The following CTNNA2 variants were observed in gnomAD, a reference collection of about 807,000 sequenced individuals.
The protein encoded by CTNNA2 is catenin alpha 2.
Under a neutral mutation model 101.0 loss-of-function variants are expected in CTNNA2, and 42 were observed. The observed-to-expected ratio is 0.42, with a 90% confidence interval of 0.32 to 0.54. The LOEUF is 0.54. Ranked by LOEUF, CTNNA2 falls within the 20% of genes least tolerant of loss-of-function variation. The pLI, the probability that CTNNA2 is intolerant of heterozygous loss-of-function variation, is 0.14. For synonymous variants in CTNNA2, 450 were observed against 456.4 expected (o/e 0.99, Z 0.18); for missense variants, 871 against 1,223.1 (o/e 0.71, Z 4.29).
At chr2:79,879,214 T>A (rs566862887) in intron 6 of CTNNA2, among the ~76,000 whole-genome samples, 65 of 152,338 alleles carry the variant, frequency 4.3e-4, no homozygotes, top group Non-Finnish European at 8.2e-4. Flanking sequence ...TTTTGGTTAC[T>A]GTAGCCTTGT....
intron 2 of CTNNA2, among the ~76,000 whole-genome samples, chr2:79,721,313 C>T (rs1035589421): frequency 4.6e-5 from 7 of 152,134 alleles, no homozygotes; most frequent in African/African-American, 1.4e-4. Context: ...TGAGGGCCTT[C>T]TTGCTGTGTC....
chr2:80,056,593 T>C (rs115280695), intron 7 of CTNNA2, among the ~76,000 whole-genome samples: 1,943 of 152,342 alleles, frequency 0.013, 23 homozygotes, highest in African/African-American at 0.043. Context: ...CCATAAACCA[T>C]ATATACTGTC....
At chr2:79,199,047 A>T (rs1224427873) in intron 2 of CTNNA2, among the ~76,000 whole-genome samples, 1 of 152,224 alleles carries the variant, frequency 6.6e-6, no homozygotes, top group Non-Finnish European at 1.5e-5. Context: ...CAGAATTCAC[A>T]TGCCTGTCTA....
intron 3 of CTNNA2, among the ~76,000 whole-genome samples, chr2:79,855,045 A>G (rs1305764190): frequency 6.6e-6 from 1 of 152,196 alleles, no homozygotes; most frequent in Non-Finnish European, 1.5e-5. Flanking sequence ...CCTTATCAAC[A>G]TGAAATCACT....
intron 17 of CTNNA2, among the ~76,000 whole-genome samples, chr2:80,615,315 C>G (rs966675146): frequency 6.6e-6 from 1 of 151,446 alleles, no homozygotes; most frequent in Non-Finnish European, 1.5e-5. Context: ...GGCAAACAAT[C>G]AGAGATTCAA....
intron 7 of CTNNA2, among the ~76,000 whole-genome samples, chr2:80,039,876 ATTGT>A (rs1005106285): frequency 2.6e-5 from 4 of 152,318 alleles, no homozygotes; most frequent in African/African-American, 7.2e-5. Context: ...AAGGTGAATA[ATTGT>A]TTGGTAATTT....
chr2:80,602,647 C>T (rs11891725), intron 15 of CTNNA2, among the ~76,000 whole-genome samples: 3,801 of 152,020 alleles, frequency 0.025, 132 homozygotes, highest in African/African-American at 0.082. Context: ...ATTTATTTTG[C>T]GCTAATAAAA....
chr2:79,441,022 C>T lies in CTNNA2; in HGVS notation c.-134-64032C>T, dbSNP rs553083577. ...GTTGTGGCAAGGAGTAGTTCAGTGCCGAGCAATGTTCTTCTTAGAATCATC... is the reference window on the plus strand; with the variant it reads ...GTTGTGGCAAGGAGTAGTTCAGTGCTGAGCAATGTTCTTCTTAGAATCATC... On this transcript the variant is annotated intron_variant, in intron 4 of 21. Transcript: ENST00000466387. Among the ~76,000 whole-genome samples the T allele has an allele frequency of 3.9e-5, 6 of 152,206 alleles. No individual in the cohort carries two copies. The East Asian group carries it at 7.7e-4, about 20-fold the overall frequency.
At chr2:79,301,001 T>A (rs550875107) in intron 2 of CTNNA2, among the ~76,000 whole-genome samples, 2 of 152,332 alleles carry the variant, frequency 1.3e-5, no homozygotes, top group South Asian at 4.1e-4. Flanking sequence ...CCTCTTTGAC[T>A]GCTTTGCTCT....
At chr2:79,427,668 G>C (rs531125180) in intron 4 of CTNNA2, among the ~76,000 whole-genome samples, 2 of 150,754 alleles carry the variant, frequency 1.3e-5, no homozygotes, top group East Asian at 3.9e-4. Context: ...TGACTTCAGG[G>C]AATTGAGTCT....
intron 9 of CTNNA2, among the ~76,000 whole-genome samples, chr2:80,533,379 G>A (rs369561456): frequency 2.0e-5 from 3 of 152,142 alleles, no homozygotes; most frequent in African/African-American, 4.8e-5. Flanking sequence ...ACTCCTGACT[G>A]TTTTCCTTAT....
At chr2:80,336,878 C>T (rs562673336) in intron 7 of CTNNA2, among the ~76,000 whole-genome samples, 1 of 152,252 alleles carries the variant, frequency 6.6e-6, no homozygotes, top group Non-Finnish European at 1.5e-5. Flanking sequence ...GAAATGCACT[C>T]ATGTGGGAAA....
chr2:80,186,586 T>C (rs749253748), intron 7 of CTNNA2, among the ~76,000 whole-genome samples: 14 of 152,220 alleles, frequency 9.2e-5, no homozygotes, highest in African/African-American at 3.4e-4. Flanking sequence ...TTTGTTTGTA[T>C]TTTAGCCTGA....
At chr2:79,966,465 G>T (rs939504698) in intron 7 of CTNNA2, among the ~76,000 whole-genome samples, 1 of 152,028 alleles carries the variant, frequency 6.6e-6, no homozygotes, top group Non-Finnish European at 1.5e-5. Context: ...CAAATGCTTG[G>T]GCTCCATTGA....
intron 3 of CTNNA2, among the ~76,000 whole-genome samples, chr2:79,318,220 A>G (rs1403357916): frequency 1.3e-5 from 2 of 152,114 alleles, no homozygotes; most frequent in African/African-American, 4.8e-5. Flanking sequence ...ATATACCCAC[A>G]TGTATTGTCA....
rs149091844 is a variant in CTNNA2, at chr2:80,140,722, G to T, written c.1056+230925G>T. On this transcript the variant is annotated intron_variant, in intron 7 of 18. Transcript: ENST00000402739. The stretch of plus-strand genomic sequence containing the variant: ...ACACATCCACCTCCCTTTTAACAGG[G>T]ATTGACCCAAGCAAAAGAAAATCCT... Among the ~76,000 whole-genome samples, 523 of 152,228 alleles carry T rather than the reference G, an allele frequency of 3.4e-3. 2 individuals are homozygous for T. The highest frequency in any genetic ancestry group is 0.011 in the African/African-American group (472 of 41,536).
intron 3 of CTNNA2, among the ~76,000 whole-genome samples, chr2:79,810,768 ACATGCAGTGTTTGGTTT>A (rs1676959326): frequency 1.3e-5 from 2 of 151,860 alleles, no homozygotes; most frequent in East Asian, 3.9e-4. Context: ...ATGAGTGAGA[ACATGCAGTGTTTGGTTT>A]TTTGTCCTTC....
chr2:80,440,608 C>T (rs574152525), intron 9 of CTNNA2, among the ~76,000 whole-genome samples: 2 of 151,338 alleles, frequency 1.3e-5, no homozygotes, highest in African/African-American at 4.9e-5. Context: ...ATTGCAGATC[C>T]AGCTCCTTAC....
intron 8 of CTNNA2, among the ~76,000 whole-genome samples, chr2:80,401,908 T>C (rs958086527): frequency 2.0e-5 from 3 of 152,224 alleles, no homozygotes; most frequent in African/African-American, 7.2e-5. Flanking sequence ...TGACACCAGC[T>C]GTCTGTCCTA....
Sources: allele counts gnomAD v4.1 joint callset (sites outside exome capture counted in the v4.1 genomes callset), GRCh38; gene constraint gnomAD v4.1.1; transcripts MANE v1.5; gene names NCBI Gene and HGNC (gene_info 2026-07-23, HGNC 2026-07-21).